Variants in ZNF578 observed in about 807,000 individuals in gnomAD.
ZNF578 encodes zinc finger protein 578, also known as Putative chemokine-related protein B42.
Under a neutral mutation model 8.3 loss-of-function variants are expected in ZNF578, and 8 were observed. That is an observed-to-expected ratio of 0.96 (90% CI 0.56 to 1.74). The LOEUF (loss-of-function observed/expected upper bound fraction) is 1.74, where lower values mean the gene tolerates loss of function less well. Ranked by LOEUF, ZNF578 falls within the 40% of genes most tolerant of loss-of-function variation. ZNF578 has a pLI of 0.00. For missense variants in ZNF578, 726 were observed against 707.5 expected (o/e 1.03, Z -0.30); for synonymous variants, 206 against 232.2 (o/e 0.89, Z 1.03).
chr19:52,504,618 T>C (rs2059418853), intron 4 of ZNF578, 37 bp from the exon 5 acceptor site: 1 of 1,613,350 alleles, frequency 6.2e-7, no homozygotes, highest in Non-Finnish European at 8.5e-7. Context: ...AACTCAATCC[T>C]CCATAATGTT....
intron 3 of ZNF578, among the ~76,000 whole-genome samples, chr19:52,493,504 T>C (rs2122892326): frequency 6.6e-6 from 1 of 152,106 alleles, no homozygotes; most frequent in Non-Finnish European, 1.5e-5. Flanking sequence ...AGAGTTTTGC[T>C]GGTGGCAAGG....
At chr19:52,500,782 C>T (rs1454739395) in intron 3 of ZNF578, among the ~76,000 whole-genome samples, 1 of 151,918 alleles carries the variant, frequency 6.6e-6, no homozygotes, top group African/African-American at 2.4e-5. Context: ...AGTCTGGTTC[C>T]CTAAGCAGTT....
intron 2 of ZNF578, among the ~76,000 whole-genome samples, chr19:52,485,068 C>T (rs1477364946): frequency 6.6e-6 from 1 of 151,780 alleles, no homozygotes; most frequent in African/African-American, 2.4e-5. Flanking sequence ...GAATGGAAGG[C>T]GAGTCTGGTT....
intron 3 of ZNF578, among the ~76,000 whole-genome samples, chr19:52,496,192 T>C (rs2059385625): frequency 6.6e-6 from 1 of 151,372 alleles, no homozygotes; most frequent in Non-Finnish European, 1.5e-5. Context: ...CTGATTTTTG[T>C]ATTTTTAGTA....
At chr19:52,482,798 G>A (rs1394138442) in intron 2 of ZNF578, among the ~76,000 whole-genome samples, 1 of 151,966 alleles carries the variant, frequency 6.6e-6, no homozygotes, top group Non-Finnish European at 1.5e-5. Flanking sequence ...TTAGCGGGGT[G>A]TGGTGGTACA....
At chr19:52,496,079 G>A (rs1019109676) in intron 3 of ZNF578, among the ~76,000 whole-genome samples, 9 of 151,942 alleles carry the variant, frequency 5.9e-5, no homozygotes, top group Non-Finnish European at 2.9e-5. Context: ...GAGTGGAGTG[G>A]AGCGATCTGG....
chr19:52,482,191 G>A (rs577335891), intron 2 of ZNF578, among the ~76,000 whole-genome samples: 17 of 152,212 alleles, frequency 1.1e-4, no homozygotes, highest in African/African-American at 1.9e-4. Context: ...GCACCACAAC[G>A]CCCGGCTAAT....
chr19:52,477,998 C>T (rs2059313401), intron 2 of ZNF578, among the ~76,000 whole-genome samples: 1 of 152,168 alleles, frequency 6.6e-6, no homozygotes, highest in African/African-American at 2.4e-5. Context: ...TGCTGATAAG[C>T]AGCGTCTGGG....
chr19:52,515,888 G>A lies in ZNF578; in HGVS notation c.*3734G>A, dbSNP rs867669870. Among the ~76,000 whole-genome samples, 15 of 152,088 alleles carry A rather than the reference G, an allele frequency of 9.9e-5. No homozygotes were observed. Among genetic ancestry groups the A allele is most frequent in the African/African-American group, 3.6e-4 (15 of 41,478 alleles). ...CCTTTCTCTGTATGAGGACATCACA[G>A]CAAAATCTAAAGCAGGTCACGTCAA... On this transcript the variant is annotated 3_prime_UTR_variant, in exon 6 of 6. Transcript: ENST00000421239.
Position 52,515,666 on chromosome 19 carries a change from A to G in ZNF578, c.*3512A>G, listed in dbSNP as rs2059471676. On this transcript the variant is annotated 3_prime_UTR_variant, in exon 6 of 6. Transcript: ENST00000421239. ...TGGCGACGAGGGGCTTGACCAGAAA[A>G]GGTCAACCCGAGTGTCCCTGACCGT... Among the ~76,000 whole-genome samples, 1 of 151,794 alleles carries G rather than the reference A, an allele frequency of 6.6e-6. No individual in the cohort carries two copies. The highest frequency in any genetic ancestry group is 2.4e-5 in the African/African-American group (1 of 41,334).
At chr19:52,464,008 G>T (rs540612811) in intron 2 of ZNF578, among the ~76,000 whole-genome samples, 28 of 152,156 alleles carry the variant, frequency 1.8e-4, no homozygotes, top group Non-Finnish European at 3.1e-4. Context: ...GTTAATAAAT[G>T]CCTGTTTAAT....
intron 1 of ZNF578, 26 bp from the exon 2 acceptor site, chr19:52,456,842 A>G (rs573963497): frequency 6.5e-6 from 1 of 154,158 alleles, no homozygotes; most frequent in South Asian, 2.1e-4. Flanking sequence ...GTTTTTTAAA[A>G]AGTTTTCTTT....
rs1476965737 is a variant in ZNF578, at chr19:52,515,958, C to G, written c.*3804C>G. Among the ~76,000 whole-genome samples the G allele has an allele frequency of 2.0e-5, 3 of 152,136 alleles. No homozygotes were observed. Among genetic ancestry groups the G allele is most frequent in the Admixed American group, 2.0e-4 (3 of 15,278 alleles). Reference sequence around the variant, plus strand: ...CACCGGCTTCCCGTGTTCCCCAGGACAAAAGCCCAACCCCTCACTGTGGCT... The same window carrying G: ...CACCGGCTTCCCGTGTTCCCCAGGAGAAAAGCCCAACCCCTCACTGTGGCT... On this transcript the variant is annotated 3_prime_UTR_variant, in exon 6 of 6. Transcript: ENST00000421239.
At chr19:52,466,031 C>G (rs1292867739) in intron 2 of ZNF578, among the ~76,000 whole-genome samples, 1 of 152,166 alleles carries the variant, frequency 6.6e-6, no homozygotes, top group East Asian at 1.9e-4. Context: ...GGCCACGGGG[C>G]CAGATTCAAG....
At chr19:52,493,577 A>G (rs200790148) in intron 3 of ZNF578, among the ~76,000 whole-genome samples, 3 of 152,034 alleles carry the variant, frequency 2.0e-5, no homozygotes, top group East Asian at 3.9e-4. Flanking sequence ...GAGAGTGGGG[A>G]CAGGGGGGTA....
intron 2 of ZNF578, among the ~76,000 whole-genome samples, chr19:52,483,143 C>T (rs1032489118): frequency 5.7e-4 from 87 of 152,076 alleles, no homozygotes; most frequent in African/African-American, 1.8e-3. Context: ...TGGCCGTGCG[C>T]GGTGGCTCAC....
At chr19:52,474,794 A>T (rs1157159888) in intron 2 of ZNF578, 2 of 204,492 alleles carry the variant, frequency 9.8e-6, no homozygotes, top group Non-Finnish European at 2.1e-5. Context: ...ATTTTGCCAC[A>T]TTCATTATGT....
chr19:52,506,855 C>A (rs998530716), intron 5 of ZNF578, among the ~76,000 whole-genome samples: 4 of 152,200 alleles, frequency 2.6e-5, no homozygotes, highest in Admixed American at 1.3e-4. Context: ...TTTTACAGGA[C>A]AGACTCTAAA....
At chr19:52,472,300 A>G (rs1201811255) in intron 2 of ZNF578, among the ~76,000 whole-genome samples, 4 of 152,232 alleles carry the variant, frequency 2.6e-5, no homozygotes, top group Admixed American at 6.5e-5. Flanking sequence ...AACATGATTC[A>G]TTCATACTTA....
Sources: allele counts gnomAD v4.1 joint callset (sites outside exome capture counted in the v4.1 genomes callset), GRCh38; gene constraint gnomAD v4.1.1; transcripts MANE v1.5; gene names NCBI Gene and HGNC (gene_info 2026-07-23, HGNC 2026-07-21).